The following AP3B1 variants were observed in gnomAD, a reference collection of about 807,000 sequenced individuals.
AP3B1 encodes AP-3 complex subunit beta-1.
AP3B1 carries 61 observed loss-of-function variants against 132.5 expected under a neutral mutation model. That is an observed-to-expected ratio of 0.46 (90% CI 0.37 to 0.57). The LOEUF (loss-of-function observed/expected upper bound fraction) is 0.57, where lower values mean the gene tolerates loss of function less well. Among genes scored for constraint, AP3B1 ranks in the 20% least tolerant of loss-of-function variants. AP3B1 has a pLI of 0.00. For missense variants in AP3B1, 1,120 were observed against 1,289.4 expected (o/e 0.87, Z 2.01); for synonymous variants, 388 against 438.3 (o/e 0.89, Z 1.43).
At chr5:78,218,205 T>C (rs1187845346) in intron 6 of AP3B1, among the ~76,000 whole-genome samples, 4 of 152,098 alleles carry the variant, frequency 2.6e-5, no homozygotes, top group Non-Finnish European at 5.9e-5. Flanking sequence ...ATTAATAATT[T>C]TGGTTTATTA....
chr5:78,020,864 C>T (rs1166230439), intron 24 of AP3B1, 75 bp from the exon 25 acceptor site: 2 of 1,186,042 alleles, frequency 1.7e-6, no homozygotes, highest in East Asian at 2.4e-5. Context: ...TAAATCAATG[C>T]AATGAAAGCC....
intron 24 of AP3B1, among the ~76,000 whole-genome samples, chr5:78,024,335 C>T (rs1435118226): frequency 6.6e-6 from 1 of 152,116 alleles, no homozygotes; most frequent in East Asian, 1.9e-4. Context: ...AGACAATCAA[C>T]TGAGGTATAG....
intron 22 of AP3B1, among the ~76,000 whole-genome samples, chr5:78,047,210 T>C (rs1011113368): frequency 3.9e-5 from 6 of 152,254 alleles, no homozygotes; most frequent in Admixed American, 2.6e-4. Flanking sequence ...CCTTTGGGTA[T>C]ATACCCAGTA....
chr5:78,119,885 T>C (rs1388834505), intron 17 of AP3B1, among the ~76,000 whole-genome samples: 22 of 152,222 alleles, frequency 1.4e-4, no homozygotes, highest in South Asian at 4.1e-4. Flanking sequence ...AGACACATAA[T>C]TGTCAGATTC....
chr5:78,210,187 G>A (rs1482958596), intron 7 of AP3B1, among the ~76,000 whole-genome samples: 1 of 151,696 alleles, frequency 6.6e-6, no homozygotes, highest in African/African-American at 2.4e-5. Context: ...ATAGTCCATT[G>A]GTAAGACACA....
At chr5:78,110,850 C>G (rs576914250) in intron 19 of AP3B1, among the ~76,000 whole-genome samples, 34 of 151,346 alleles carry the variant, frequency 2.2e-4, no homozygotes, top group African/African-American at 6.5e-4. Flanking sequence ...CCTTGACCTC[C>G]CGGGCTCAAG....
chr5:78,104,098 C>T (rs139899458), intron 20 of AP3B1, among the ~76,000 whole-genome samples: 82 of 152,262 alleles, frequency 5.4e-4, no homozygotes, highest in African/African-American at 1.9e-3. Context: ...CAAAGCCATA[C>T]TGTGCTTTGA....
At chr5:78,231,538 T>C (rs1408525788) in intron 3 of AP3B1, among the ~76,000 whole-genome samples, 2 of 151,348 alleles carry the variant, frequency 1.3e-5, no homozygotes, top group African/African-American at 4.9e-5. Flanking sequence ...AAAAAAAAAA[T>C]AGATGCCCAC....
intron 1 of AP3B1, among the ~76,000 whole-genome samples, chr5:78,287,153 T>C (rs1749318204): frequency 6.6e-6 from 1 of 152,212 alleles, no homozygotes; most frequent in Non-Finnish European, 1.5e-5. Flanking sequence ...TCTGGTAATG[T>C]TGCTCCAAAT....
At chr5:78,089,200 A>G (rs1220278120) in intron 22 of AP3B1, 193 bp downstream of exon 22, 1 of 530,770 alleles carries the variant, frequency 1.9e-6, no homozygotes, top group African/African-American at 1.9e-5. Flanking sequence ...GTGGACAACA[A>G]GGGAAAAAAA....
At chr5:78,049,002 A>G (rs1014171836) in intron 22 of AP3B1, among the ~76,000 whole-genome samples, 1 of 152,228 alleles carries the variant, frequency 6.6e-6, no homozygotes. Flanking sequence ...AGACTGAACC[A>G]TATGTATCTG....
chr5:78,194,691 C>T (rs2112440740), intron 7 of AP3B1, among the ~76,000 whole-genome samples: 1 of 152,254 alleles, frequency 6.6e-6, no homozygotes, highest in South Asian at 2.1e-4. Context: ...GGAGAAATGA[C>T]AGATCTTCCT....
intron 17 of AP3B1, among the ~76,000 whole-genome samples, chr5:78,123,273 G>A (rs143014362): frequency 0.2 from 30,023 of 152,138 alleles, 3,236 homozygotes; most frequent in Admixed American, 0.3. Context: ...ATACCATTCA[G>A]GACAGAGGCA....
rs1752054048 is a variant in AP3B1 at position 78,119,527 on chromosome 5, G to C, written c.1969-3293C>G. Among the ~76,000 whole-genome samples, 4 of 152,196 alleles carry C rather than the reference G, an allele frequency of 2.6e-5. No homozygotes were observed. In the South Asian group the frequency reaches 8.3e-4, roughly 31 times the overall value. Reference sequence around the variant, plus strand: ...GATGGAGCTGAAAGCCAAGGCTCGAGAACTATGTGAAGAACGCAGAAGCCT... The same window carrying C: ...GATGGAGCTGAAAGCCAAGGCTCGACAACTATGTGAAGAACGCAGAAGCCT... On this transcript the variant is annotated intron_variant, in intron 17 of 26. Transcript: ENST00000255194.
intron 14 of AP3B1, among the ~76,000 whole-genome samples, chr5:78,144,149 CAT>C (rs1178669384): frequency 6.6e-6 from 1 of 152,090 alleles, no homozygotes; most frequent in Non-Finnish European, 1.5e-5. Context: ...CAGAGTCATA[CAT>C]ATGATATAAT....
intron 21 of AP3B1, among the ~76,000 whole-genome samples, chr5:78,096,842 G>A (rs1181421049): frequency 6.6e-6 from 1 of 151,218 alleles, no homozygotes; most frequent in African/African-American, 2.4e-5. Flanking sequence ...AGGGAGGGGG[G>A]GCTCAGCCCC....
intron 22 of AP3B1, among the ~76,000 whole-genome samples, chr5:78,068,372 G>A (rs1749383446): frequency 6.6e-6 from 1 of 151,216 alleles, no homozygotes; most frequent in South Asian, 2.1e-4. Flanking sequence ...AGGAGAAGGA[G>A]AAGGAGAAGA....
intron 13 of AP3B1, 142 bp from the exon 14 acceptor site, chr5:78,156,509 T>A (rs1287626621): frequency 4.5e-6 from 3 of 669,002 alleles, no homozygotes; most frequent in Non-Finnish European, 7.6e-6. Flanking sequence ...TAACCATGAG[T>A]GCGCTTCCAA....
intron 1 of AP3B1, among the ~76,000 whole-genome samples, chr5:78,281,707 G>A (rs1343361314): frequency 6.6e-6 from 1 of 152,128 alleles, no homozygotes; most frequent in African/African-American, 2.4e-5. Context: ...TATCAAAATA[G>A]ATGGGACTCT....
Sources: allele counts gnomAD v4.1 joint callset (sites outside exome capture counted in the v4.1 genomes callset), GRCh38; gene constraint gnomAD v4.1.1; transcripts MANE v1.5; gene names NCBI Gene and HGNC (gene_info 2026-07-23, HGNC 2026-07-21).